The following CCT8 variants were observed in gnomAD, a reference collection of about 807,000 sequenced individuals.
The protein encoded by CCT8 is chaperonin containing TCP1 subunit 8.
In CCT8, 10 loss-of-function variants were observed where a neutral mutation model predicts 65.7. That is an observed-to-expected ratio of 0.15 (90% confidence interval 0.09 to 0.26). CCT8 has a LOEUF of 0.26. Ranked by LOEUF, CCT8 falls within the 10% of genes least tolerant of loss-of-function variation. The pLI is 1.00. For missense variants in CCT8, 568 were observed against 669.1 expected (o/e 0.85, Z 1.67); for synonymous variants, 199 against 221.8 (o/e 0.90, Z 0.92).
intron 3 of CCT8, among the ~76,000 whole-genome samples, chr21:29,068,475 T>G (rs753877901): frequency 2.0e-5 from 3 of 152,100 alleles, no homozygotes; most frequent in African/African-American, 4.8e-5. Flanking sequence ...TTTTTTCTTT[T>G]TTGAGATGGA....
intron 7 of CCT8, among the ~76,000 whole-genome samples, chr21:29,064,437 GAATAAAATAC>G (rs2085598931): frequency 1.5e-5 from 1 of 66,538 alleles, no homozygotes; most frequent in African/African-American, 5.9e-5. Flanking sequence ...AAAAAAAAAA[GAATAAAATAC>G]AATAAAATAA....
At chr21:29,065,206 A>G (rs2085608406) in intron 6 of CCT8, 101 bp from the exon 7 acceptor site, 1 of 1,284,960 alleles carries the variant, frequency 7.8e-7, no homozygotes. Context: ...TTCTAAAATA[A>G]AGTCATAAAC....
intron 6 of CCT8, among the ~76,000 whole-genome samples, chr21:29,066,483 G>A (rs2146435170): frequency 6.6e-6 from 1 of 152,350 alleles, no homozygotes; most frequent in African/African-American, 2.4e-5. Context: ...AGGTTGCGGT[G>A]AGCCGAGGTC....
chr21:29,063,314 T>G (rs1407237968), intron 8 of CCT8, 38 bp downstream of exon 8: 1 of 1,549,944 alleles, frequency 6.5e-7, no homozygotes, highest in East Asian at 2.2e-5. Context: ...AAAAACCATT[T>G]ATGATATAGG....
At chr21:29,056,784 A>G (rs1366699549) in intron 14 of CCT8, among the ~76,000 whole-genome samples, 1 of 152,262 alleles carries the variant, frequency 6.6e-6, no homozygotes, top group African/African-American at 2.4e-5. Flanking sequence ...TAAAATCCAC[A>G]GAGATTAGTG....
chr21:29,058,040 TA>T, intron 14 of CCT8: 1 of 152,034 alleles, frequency 6.6e-6, no homozygotes, highest in South Asian at 2.1e-4. Context: ...AAAAGATACC[TA>T]AACCTGAAAT....
chr21:29,060,775 T>TGTGCTTGA, intron 13 of CCT8, 115 bp from the exon 14 acceptor site: 3 of 1,105,638 alleles, frequency 2.7e-6, no homozygotes, highest in Non-Finnish European at 4.0e-6. Flanking sequence ...CCAAGCACAG[T>TGTGCTTGA]CCTACCTTAT....
At chr21:29,070,374 G>A in intron 1 of CCT8, 37 bp from the exon 2 acceptor site, 2 of 1,360,136 alleles carry the variant, frequency 1.5e-6, no homozygotes, top group South Asian at 1.2e-5. Context: ...CCGCTAATTA[G>A]ACAGGACAGT....
At position 29,060,597 on chromosome 21, in the gene CCT8, A is replaced by G; in HGVS notation, c.1513T>C (p.Tyr505His). 2 of 1,613,828 alleles carry G rather than the reference A, an allele frequency of 1.2e-6. No individual in the cohort carries two copies. The highest frequency in any genetic ancestry group is 1.7e-6 in the Non-Finnish European group (2 of 1,179,806). Residue 505 changes from tyrosine to histidine, a missense_variant, in exon 14 of 15, where the codon TAT (tyrosine) becomes CAT (histidine). Tyr to His is a moderately conservative substitution (Grantham distance 83, BLOSUM62 2). Coordinates refer to ENST00000286788, the MANE Select transcript of CCT8 (RefSeq NM_006585.4). ...TTAGTAGCGAGTTTGATAGCCCAAT[A>G]TTTTCCCAGGTAAGTATCTAGAATA... ...AGILDTYLGK[Y>H]WAIKLATNAA...
intron 1 of CCT8, chr21:29,073,182 G>A: frequency 3.6e-6 from 3 of 841,790 alleles, no homozygotes; most frequent in Non-Finnish European, 4.5e-6. Context: ...TTTCATCTAC[G>A]TTATTCAATT....
chr21:29,066,527 G>A (rs886787073), intron 6 of CCT8, among the ~76,000 whole-genome samples, 189 bp downstream of exon 6: 4 of 152,106 alleles, frequency 2.6e-5, no homozygotes, highest in Non-Finnish European at 5.9e-5. Context: ...CAACAAGAGC[G>A]AGACTCCGTC....
At chr21:29,061,680 T>C (rs1176068734) in intron 11 of CCT8, 113 bp from the exon 12 acceptor site, 9 of 1,049,044 alleles carry the variant, frequency 8.6e-6, no homozygotes, top group Non-Finnish European at 1.3e-5. Flanking sequence ...ACAGGAGTTT[T>C]TATCAGTCAT....
Position 29,067,436 on chromosome 21 carries a change from A to G in CCT8, c.381+120T>C, listed in dbSNP as rs961562480. The stretch of plus-strand genomic sequence containing the variant: ...AAGCATATGTACTATAATGGCTGGT[A>G]CAGAGCAAACTGCTCAGTGCATGTT... On this transcript the variant is annotated intron_variant, in intron 4 of 14. Coordinates refer to ENST00000286788, the MANE Select transcript of CCT8 (RefSeq NM_006585.4). 2.7e-5 allele frequency: 19 copies of G among 711,710 alleles called. No individual in the cohort carries two copies. In the African/African-American group the frequency reaches 3.0e-4, roughly 11 times the overall value. 44.1% of individuals were successfully genotyped at this position (711,710 alleles called of 1,614,324 possible).
chr21:29,062,121 T>C lies in CCT8; in HGVS notation c.1212+7A>G. ...TACAAACTACTAAGAATATTGCTGA[T>C]ACTGACCCTTGTAAGAACTTTGAAA... On this transcript the variant is annotated splice_region_variant and intron_variant, in intron 11 of 14. Coordinates refer to ENST00000286788, the MANE Select transcript of CCT8 (RefSeq NM_006585.4). The C allele has an allele frequency of 1.3e-6, 2 of 1,557,246 alleles. No individual in the cohort carries two copies. The highest frequency in any genetic ancestry group is 1.8e-6 in the Non-Finnish European group (2 of 1,129,800).
intron 6 of CCT8, among the ~76,000 whole-genome samples, chr21:29,065,868 G>A (rs530671660): frequency 2.0e-5 from 3 of 152,136 alleles, no homozygotes; most frequent in Admixed American, 6.5e-5. Flanking sequence ...AGATCATGAG[G>A]TCAGGAGTTC....
Position 29,066,959 on chromosome 21 carries a change from C to G in CCT8, c.494G>C (p.Arg165Pro), listed in dbSNP as rs145895598. ...RDIDEVSSLLRTSIMSKQYGN... is the reference protein window; with the variant it reads ...RDIDEVSSLLPTSIMSKQYGN... ...ATATTGTTTACTCATTATGGAGGTA[C>G]GAAGTAGAGATGAGACTTCATCAAT... is the stretch of plus-strand genomic sequence containing the variant. The change falls in exon 5 of 15, where the codon CGT becomes CCT. Residue 165 changes from arginine to proline, a missense_variant. Physicochemically the swap from Arg to Pro is moderately radical, Grantham distance 103. Coordinates refer to ENST00000286788, the MANE Select transcript of CCT8 (RefSeq NM_006585.4). 3.1e-6 allele frequency: 5 copies of G among 1,613,090 alleles called. No homozygotes were observed. The highest frequency in any genetic ancestry group is 4.2e-6 in the Non-Finnish European group (5 of 1,179,420).
intron 6 of CCT8, 43 bp downstream of exon 6, chr21:29,066,669 CAAAA>C (rs753697370): frequency 1.1e-5 from 13 of 1,237,324 alleles, no homozygotes; most frequent in Middle Eastern, 2.2e-4. Context: ...AAAAAGCACA[CAAAA>C]AAACTGACCT....
intron 14 of CCT8, among the ~76,000 whole-genome samples, chr21:29,059,089 A>T (rs1254926690): frequency 1.3e-5 from 2 of 152,150 alleles, no homozygotes. Context: ...GAGAACTGTC[A>T]TTCTAACAAG....
intron 14 of CCT8, among the ~76,000 whole-genome samples, chr21:29,057,555 CAGGAGTTTG>C (rs2085511892): frequency 1.1e-5 from 1 of 86,970 alleles, no homozygotes; most frequent in African/African-American, 3.1e-5. Flanking sequence ...GGTTTGAGGC[CAGGAGTTTG>C]AGACCAGCCT....
Sources: allele counts gnomAD v4.1 joint callset (sites outside exome capture counted in the v4.1 genomes callset), GRCh38; gene constraint gnomAD v4.1.1; transcripts MANE v1.5; gene names NCBI Gene and HGNC (gene_info 2026-07-23, HGNC 2026-07-21).